The following TPD52L1 variants were observed in gnomAD, a reference collection of about 807,000 sequenced individuals.
The protein encoded by TPD52L1 is tumor protein D53.
Under a neutral mutation model 28.7 loss-of-function variants are expected in TPD52L1, and 18 were observed. The ratio of observed to expected loss-of-function variants is 0.63; its 90% CI spans 0.43 to 0.93. TPD52L1 has a LOEUF of 0.93. Among genes scored for constraint, TPD52L1 ranks in the 40% least tolerant of loss-of-function variants. The pLI is 0.00. For synonymous variants in TPD52L1, 75 were observed against 88.8 expected (o/e 0.84, Z 0.88); for missense variants, 203 against 254.8 (o/e 0.80, Z 1.39).
In TPD52L1 at chr6:125,208,163, G is replaced by A. The variant is rs1794272861; in HGVS notation, c.20-11915G>A. On this transcript the variant is annotated intron_variant, in intron 1 of 6. Coordinates refer to ENST00000534000, the MANE Select transcript of TPD52L1 (RefSeq NM_003287.4). ...AAGAACTCAACAAAGTTTAAGAACA[G>A]TAGATTATTATACTGCTTGGTTGCA... Among the ~76,000 whole-genome samples, 7 of 152,334 alleles carry A rather than the reference G, an allele frequency of 4.6e-5. No homozygotes were observed. The South Asian group carries it at 1.4e-3, about 32-fold the overall frequency.
chr6:125,172,546 ATATATAAT>A (rs1791537993), intron 1 of TPD52L1, among the ~76,000 whole-genome samples: 1 of 99,988 alleles, frequency 1.0e-5, no homozygotes, highest in Non-Finnish European at 1.9e-5. Context: ...ATATATATAT[ATATATAAT>A]ATATATACTA....
At chr6:125,230,267 T>C (rs73771288) in intron 3 of TPD52L1, among the ~76,000 whole-genome samples, 2,985 of 152,224 alleles carry the variant, frequency 0.02, 100 homozygotes, top group African/African-American at 0.068. Context: ...TTTTACCTGC[T>C]GGGGGTCTTG....
intron 1 of TPD52L1, among the ~76,000 whole-genome samples, chr6:125,216,564 T>TATAG (rs1794906017): frequency 7.1e-6 from 1 of 141,582 alleles, no homozygotes. Context: ...TATATATATA[T>TATAG]ATATATATGA....
intron 1 of TPD52L1, among the ~76,000 whole-genome samples, chr6:125,189,084 C>A (rs1792859654): frequency 6.6e-6 from 1 of 152,204 alleles, no homozygotes; most frequent in Admixed American, 6.5e-5. Context: ...GACTGGTCAT[C>A]TTGGTATAAA....
Position 125,153,860 on chromosome 6 carries a change from G to T in TPD52L1, c.-92G>T. 6 of 1,440,588 alleles carry T rather than the reference G, an allele frequency of 4.2e-6. No individual in the cohort carries two copies. Among genetic ancestry groups the T allele is most frequent in the Non-Finnish European group, 5.6e-6 (6 of 1,074,310 alleles). The allele number at this position is 1,440,588 out of a possible 1,614,324, so 89.2% of individuals were successfully genotyped here. ...GTGCCAGGAGTGGGAGCGAGCGGCG[G>T]GGCCAGCTGCGTTCTGAGCCTGGGC... On this transcript the variant is annotated 5_prime_UTR_variant, in exon 1 of 7. Coordinates refer to ENST00000534000, the MANE Select transcript of TPD52L1 (RefSeq NM_003287.4).
At chr6:125,246,940 T>C (rs1163817500) in intron 3 of TPD52L1, among the ~76,000 whole-genome samples, 4 of 152,052 alleles carry the variant, frequency 2.6e-5, no homozygotes, top group African/African-American at 4.8e-5. Context: ...TAAAAAAACA[T>C]TGTGTTAATA....
At chr6:125,253,194 G>A (rs1797382601) in intron 4 of TPD52L1, 1 of 155,868 alleles carries the variant, frequency 6.4e-6, no homozygotes, top group African/African-American at 2.4e-5. Context: ...AACCAGAATG[G>A]ATGCAGAAGT....
chr6:125,204,134 G>C (rs1047509669), intron 1 of TPD52L1, among the ~76,000 whole-genome samples: 3 of 152,158 alleles, frequency 2.0e-5, no homozygotes, highest in Non-Finnish European at 4.4e-5. Flanking sequence ...TGAAGAGCCT[G>C]ATTCATCTTG....
chr6:125,229,950 G>A (rs1405009605), intron 3 of TPD52L1, among the ~76,000 whole-genome samples: 1 of 152,092 alleles, frequency 6.6e-6, no homozygotes, highest in Non-Finnish European at 1.5e-5. Flanking sequence ...AGCTGGGTGT[G>A]ATGGCATGCC....
At chr6:125,178,481 C>A (rs1220416207) in intron 1 of TPD52L1, among the ~76,000 whole-genome samples, 2 of 151,926 alleles carry the variant, frequency 1.3e-5, no homozygotes, top group South Asian at 2.1e-4. Flanking sequence ...CTTAGCCAGG[C>A]GTGGTGGCAC....
At chr6:125,260,545 C>T (rs1419359277) in intron 6 of TPD52L1, among the ~76,000 whole-genome samples, 1 of 152,192 alleles carries the variant, frequency 6.6e-6, no homozygotes, top group Non-Finnish European at 1.5e-5. Flanking sequence ...TGGCTCACGC[C>T]TGTAATCCCA....
intron 1 of TPD52L1, among the ~76,000 whole-genome samples, chr6:125,163,836 G>A (rs547529680): frequency 6.7e-6 from 1 of 148,550 alleles, no homozygotes; most frequent in South Asian, 2.1e-4. Flanking sequence ...AGAATCACTT[G>A]AACTTGGGAG....
chr6:125,214,862 G>A (rs1794758036), intron 1 of TPD52L1, among the ~76,000 whole-genome samples: 1 of 152,074 alleles, frequency 6.6e-6, no homozygotes, highest in South Asian at 2.1e-4. Flanking sequence ...TTTAACCTTA[G>A]CAACAATCCT....
intron 1 of TPD52L1, among the ~76,000 whole-genome samples, chr6:125,173,272 C>G (rs1393563791): frequency 6.6e-6 from 1 of 152,202 alleles, no homozygotes; most frequent in East Asian, 1.9e-4. Flanking sequence ...GTTTCTGGCT[C>G]AATCATTTAA....
chr6:125,214,566 C>T (rs747492374), intron 1 of TPD52L1: 31 of 525,054 alleles, frequency 5.9e-5, no homozygotes, highest in Non-Finnish European at 7.3e-5. Context: ...ATATGTAGAA[C>T]ATTGCCTCAA....
intron 1 of TPD52L1, among the ~76,000 whole-genome samples, chr6:125,178,154 G>T (rs530568105): frequency 1.3e-5 from 2 of 152,024 alleles, no homozygotes; most frequent in African/African-American, 4.8e-5. Flanking sequence ...GTCACAAAAC[G>T]ACTAGTTCTA....
At chr6:125,245,779 G>A (rs144568852) in intron 3 of TPD52L1, among the ~76,000 whole-genome samples, 1 of 152,298 alleles carries the variant, frequency 6.6e-6, no homozygotes, top group Non-Finnish European at 1.5e-5. Flanking sequence ...TAATAGAGCC[G>A]AGTTTCCATC....
At chr6:125,214,540 C>T (rs1337690583) in intron 1 of TPD52L1, 1 of 728,428 alleles carries the variant, frequency 1.4e-6, no homozygotes, top group Non-Finnish European at 1.7e-6. Flanking sequence ...TTTGCTATGC[C>T]AAGAGAGAAA....
chr6:125,229,958 G>A (rs535610390), intron 3 of TPD52L1, among the ~76,000 whole-genome samples: 2 of 152,174 alleles, frequency 1.3e-5, no homozygotes, highest in South Asian at 4.2e-4. Flanking sequence ...GTGATGGCAT[G>A]CCCCTGTAAT....
Sources: gnomAD v4.1 joint callset for allele counts (sites outside exome capture counted in the v4.1 genomes callset) on GRCh38, gnomAD v4.1.1 for gene constraint, MANE v1.5 for transcripts, NCBI Gene and HGNC (gene_info 2026-07-23, HGNC 2026-07-21) for gene names.